Variants in SYT17 observed in about 807,000 individuals in gnomAD.
The protein encoded by SYT17 is synaptotagmin 17, also known as synaptotagmin-17.
SYT17 carries 22 observed loss-of-function variants against 46.7 expected under a neutral mutation model. That is an observed-to-expected ratio of 0.47 (90% CI 0.34 to 0.67). The LOEUF is 0.67. Among genes scored for constraint, SYT17 ranks in the 30% least tolerant of loss-of-function variants. SYT17 has a pLI of 0.01. For missense variants in SYT17, 519 were observed against 612.8 expected (o/e 0.85, Z 1.62); for synonymous variants, 251 against 248.4 (o/e 1.01, Z -0.10).
chr16:19,186,236 G>A (rs1964784401), intron 5 of SYT17, among the ~76,000 whole-genome samples: 1 of 152,100 alleles, frequency 6.6e-6, no homozygotes, highest in African/African-American at 2.4e-5. Context: ...CAGCACTTTG[G>A]GAGGTTGAGG....
At chr16:19,173,318 A>G (rs1964176220) in intron 2 of SYT17, 112 bp from the exon 3 acceptor site, 2 of 687,014 alleles carry the variant, frequency 2.9e-6, no homozygotes, top group South Asian at 3.9e-5. Context: ...TCTATTTCTC[A>G]TCCGAGATCG....
intron 5 of SYT17, among the ~76,000 whole-genome samples, chr16:19,205,970 C>T (rs550377313): frequency 6.6e-6 from 1 of 151,006 alleles, no homozygotes; most frequent in South Asian, 2.1e-4. Context: ...GTACATAATA[C>T]ATGTTCAATA....
intron 5 of SYT17, among the ~76,000 whole-genome samples, chr16:19,206,708 G>A (rs1223479495): frequency 1.3e-5 from 2 of 152,000 alleles, no homozygotes; most frequent in Non-Finnish European, 2.9e-5. Context: ...CATCCCTCCA[G>A]CCTCCACCTC....
At chr16:19,191,242 G>A (rs1168558580) in intron 5 of SYT17, among the ~76,000 whole-genome samples, 1 of 152,062 alleles carries the variant, frequency 6.6e-6, no homozygotes, top group African/African-American at 2.4e-5. Flanking sequence ...ATGTGTATGG[G>A]TGCCATGGTC....
At chr16:19,243,313 G>T (rs1017845725) in intron 7 of SYT17, among the ~76,000 whole-genome samples, 2 of 152,150 alleles carry the variant, frequency 1.3e-5, no homozygotes, top group Non-Finnish European at 2.9e-5. Context: ...GAACCAGGGA[G>T]AGTATCTGCT....
intron 5 of SYT17, among the ~76,000 whole-genome samples, chr16:19,214,633 G>A (rs1252315991): frequency 2.0e-5 from 3 of 152,106 alleles, no homozygotes; most frequent in Non-Finnish European, 2.9e-5. Context: ...CCAAGTGAAC[G>A]ATGTTATTCA....
intron 4 of SYT17, among the ~76,000 whole-genome samples, chr16:19,181,681 C>G (rs1189509849): frequency 2.0e-5 from 3 of 146,812 alleles, no homozygotes; most frequent in Non-Finnish European, 4.4e-5. Flanking sequence ...AAAATACATA[C>G]TGGACTTTCA....
chr16:19,231,009 A>G (rs1412233771), intron 7 of SYT17, among the ~76,000 whole-genome samples: 3 of 152,340 alleles, frequency 2.0e-5, no homozygotes, highest in South Asian at 2.1e-4. Flanking sequence ...AATAAATAAT[A>G]TAGTTTATCT....
intron 7 of SYT17, among the ~76,000 whole-genome samples, chr16:19,255,076 G>A (rs910390652): frequency 2.6e-5 from 4 of 152,056 alleles, no homozygotes; most frequent in Non-Finnish European, 4.4e-5. Flanking sequence ...CCTTAAATTC[G>A]CTCTAAATTT....
At chr16:19,259,009 C>T (rs61669740) in intron 7 of SYT17, among the ~76,000 whole-genome samples, 1,667 of 152,148 alleles carry the variant, frequency 0.011, 25 homozygotes, top group African/African-American at 0.038. Context: ...TGCTATGATA[C>T]GGTGGAAATA....
At chr16:19,224,625 C>T (rs1214805638) in intron 6 of SYT17, 58 bp from the exon 7 acceptor site, 60 of 1,576,600 alleles carry the variant, frequency 3.8e-5, no homozygotes, top group Non-Finnish European at 5.0e-5. Flanking sequence ...GGCAGAATGA[C>T]TGGACGGATT....
chr16:19,242,860 G>T (rs901389597), intron 7 of SYT17, among the ~76,000 whole-genome samples: 8 of 152,086 alleles, frequency 5.3e-5, no homozygotes, highest in Non-Finnish European at 8.8e-5. Context: ...AACACCCATA[G>T]TGTGCCTAAG....
At chr16:19,211,050 T>A (rs1965879069) in intron 5 of SYT17, 1 of 182,206 alleles carries the variant, frequency 5.5e-6, no homozygotes, top group Non-Finnish European at 1.1e-5. Context: ...AGGAGAGAGC[T>A]GAGCCACATT....
chr16:19,245,374 C>G (rs1967465626), intron 7 of SYT17, among the ~76,000 whole-genome samples: 2 of 152,110 alleles, frequency 1.3e-5, no homozygotes, highest in African/African-American at 4.8e-5. Context: ...GCCCCAAATA[C>G]CTATGGTGCC....
In SYT17 at chr16:19,178,183, T is replaced by C. The variant is rs528148521; in HGVS notation, c.183-2208T>C. On this transcript the variant is annotated intron_variant, in intron 3 of 7. Transcript: ENST00000355377. The stretch of plus-strand genomic sequence containing the variant: ...CTGCAAGCTCTGCCTCCCGGGTTCA[T>C]GCCATTCTCTTGCCTCAGCCTCCCG... Among the ~76,000 whole-genome samples, 8 of 152,046 alleles carry C rather than the reference T, an allele frequency of 5.3e-5. No individual in the cohort carries two copies. In the East Asian group the frequency reaches 7.8e-4, roughly 15 times the overall value.
intron 5 of SYT17, among the ~76,000 whole-genome samples, chr16:19,204,024 A>G (rs1327773958): frequency 6.6e-6 from 1 of 152,166 alleles, no homozygotes; most frequent in East Asian, 1.9e-4. Context: ...TTACAAGACA[A>G]AAAATAGGGG....
intron 7 of SYT17, among the ~76,000 whole-genome samples, chr16:19,239,791 C>T (rs969497439): frequency 1.3e-5 from 2 of 152,190 alleles, no homozygotes; most frequent in East Asian, 1.9e-4. Context: ...GTGCTCGGCT[C>T]ATGCTACCAG....
chr16:19,256,421 T>C (rs186478069), intron 7 of SYT17, among the ~76,000 whole-genome samples: 55 of 135,386 alleles, frequency 4.1e-4, no homozygotes, highest in Admixed American at 6.4e-4. Context: ...CTGGTTGAGG[T>C]TTTAACCCCT....
intron 7 of SYT17, among the ~76,000 whole-genome samples, chr16:19,246,995 G>A (rs956444286): frequency 3.3e-5 from 5 of 152,158 alleles, no homozygotes; most frequent in Non-Finnish European, 5.9e-5. Context: ...CATGGGGTGA[G>A]GGTGACAGTT....
Sources: gnomAD v4.1 joint callset for allele counts (sites outside exome capture counted in the v4.1 genomes callset) on GRCh38, gnomAD v4.1.1 for gene constraint, MANE v1.5 for transcripts, NCBI Gene and HGNC (gene_info 2026-07-23, HGNC 2026-07-21) for gene names.